The following SH3PXD2A variants were observed in gnomAD, a reference collection of about 807,000 sequenced individuals.
SH3PXD2A encodes SH3 and PX domain-containing protein 2A.
SH3PXD2A carries 32 observed loss-of-function variants against 115.2 expected under a neutral mutation model. That is an observed-to-expected ratio of 0.28 (90% CI 0.21 to 0.37). The LOEUF (loss-of-function observed/expected upper bound fraction) is 0.37, where lower values mean the gene tolerates loss of function less well. Among genes scored for constraint, SH3PXD2A ranks in the 10% least tolerant of loss-of-function variants. The pLI is 1.00. For missense variants in SH3PXD2A, 1,328 were observed against 1,498.7 expected, an observed-to-expected ratio of 0.89 and a Z score of 1.88; for synonymous variants, 610 against 629.1, an observed-to-expected ratio of 0.97 and a Z score of 0.45.
chr10:103,721,885 C>G (rs989812179), intron 5 of SH3PXD2A, among the ~76,000 whole-genome samples: 1 of 152,022 alleles, frequency 6.6e-6, no homozygotes, highest in African/African-American at 2.4e-5. Flanking sequence ...AGTCCCCAAA[C>G]CAGTGAAGCA....
Position 103,603,451 on chromosome 10 carries a change from G to A in SH3PXD2A, c.1767C>T (p.Pro589=). Residue 589 remains proline (P), a synonymous_variant, in exon 15 of 15, where the codon CCC becomes CCT. Coordinates refer to ENST00000369774, the MANE Select transcript of SH3PXD2A (RefSeq NM_001394015.1). ...RASGERRPAQ[P]HRPSPASSLQ... is the part of the protein sequence containing the mutation. ...GAGAAGAGGCCGGCGAGGGCCGGTGGGGCTGGGCAGGCCGCCTCTCCCCTG... is the reference window on the plus strand; with the variant it reads ...GAGAAGAGGCCGGCGAGGGCCGGTGAGGCTGGGCAGGCCGCCTCTCCCCTG... 7.4e-6 allele frequency: 12 copies of A among 1,612,870 alleles called. No homozygotes were observed. Among genetic ancestry groups the A allele is most frequent in the Non-Finnish European group, 1.0e-5 (12 of 1,179,430 alleles).
intron 5 of SH3PXD2A, among the ~76,000 whole-genome samples, chr10:103,703,044 G>A (rs1205186935): frequency 1.3e-5 from 2 of 152,208 alleles, no homozygotes; most frequent in African/African-American, 2.4e-5. Flanking sequence ...CCCAGCCCTG[G>A]CCTAGTTTCG....
At chr10:103,673,953 C>T (rs2037496545) in intron 6 of SH3PXD2A, among the ~76,000 whole-genome samples, 1 of 152,238 alleles carries the variant, frequency 6.6e-6, no homozygotes, top group African/African-American at 2.4e-5. Flanking sequence ...GAACACCTCC[C>T]TGTCTTCTCC....
chr10:103,772,308 G>A (rs978477010), intron 2 of SH3PXD2A, among the ~76,000 whole-genome samples: 1 of 152,212 alleles, frequency 6.6e-6, no homozygotes, highest in African/African-American at 2.4e-5. Flanking sequence ...AAACAATCGG[G>A]GCTGAGCGGG....
At chr10:103,690,534 G>A (rs941610425) in intron 6 of SH3PXD2A, among the ~76,000 whole-genome samples, 1 of 152,062 alleles carries the variant, frequency 6.6e-6, no homozygotes, top group Non-Finnish European at 1.5e-5. Context: ...GCTGAGGGAG[G>A]GTGTGTGTGT....
intron 12 of SH3PXD2A, among the ~76,000 whole-genome samples, 195 bp downstream of exon 12, chr10:103,612,658 T>C (rs2036446195): frequency 6.6e-6 from 1 of 152,048 alleles, no homozygotes; most frequent in East Asian, 1.9e-4. Flanking sequence ...AGCAGTTGAG[T>C]CATCATACTC....
At chr10:103,614,947 A>G (rs1592263501) in intron 11 of SH3PXD2A, among the ~76,000 whole-genome samples, 1 of 152,162 alleles carries the variant, frequency 6.6e-6, no homozygotes, top group Non-Finnish European at 1.5e-5. Flanking sequence ...TCGCCTCCCC[A>G]GGGATTGGGA....
intron 6 of SH3PXD2A, among the ~76,000 whole-genome samples, chr10:103,679,021 G>A (rs1291180604): frequency 2.6e-5 from 4 of 152,200 alleles, no homozygotes; most frequent in Non-Finnish European, 5.9e-5. Flanking sequence ...CATGGGGACA[G>A]TGGCTCCTAC....
chr10:103,805,779 T>A (rs549762685), intron 1 of SH3PXD2A, among the ~76,000 whole-genome samples: 5 of 152,336 alleles, frequency 3.3e-5, no homozygotes, highest in African/African-American at 1.2e-4. Context: ...ATCCCAGCAC[T>A]TTGGGAAGCC....
At chr10:103,821,610 TAGCATGATCTC>T (rs1299433036) in intron 1 of SH3PXD2A, among the ~76,000 whole-genome samples, 2 of 152,058 alleles carry the variant, frequency 1.3e-5, no homozygotes, top group African/African-American at 4.8e-5. Context: ...TGGAGTGCAA[TAGCATGATCTC>T]TGCTCACTGC....
At chr10:103,826,544 C>A (rs573714202) in intron 1 of SH3PXD2A, among the ~76,000 whole-genome samples, 4 of 152,326 alleles carry the variant, frequency 2.6e-5, no homozygotes, top group Admixed American at 2.6e-4. Flanking sequence ...AGCTTCAGAT[C>A]TACTGAGAAA....
chr10:103,600,633 C>T lies in SH3PXD2A; in HGVS notation c.*1183G>A, dbSNP rs915274661. 1 of 152,236 alleles carries T rather than the reference C, an allele frequency of 6.6e-6. No homozygotes were observed. The highest frequency in any genetic ancestry group is 2.4e-5 in the African/African-American group (1 of 41,464). The allele number at this position is 152,236 out of a possible 1,614,324, so 9.4% of individuals were successfully genotyped here. On this transcript the variant is annotated 3_prime_UTR_variant, in exon 15 of 15. Coordinates refer to ENST00000369774, the MANE Select transcript of SH3PXD2A (RefSeq NM_001394015.1). ...TCCAAAAGTCTGGCTCCTGAACACCCTCCTCCTTCCTGGGGAGGGTTTTTG... is the reference window on the plus strand; with the variant it reads ...TCCAAAAGTCTGGCTCCTGAACACCTTCCTCCTTCCTGGGGAGGGTTTTTG...
At chr10:103,683,068 G>A (rs961736471) in intron 6 of SH3PXD2A, among the ~76,000 whole-genome samples, 20 of 152,004 alleles carry the variant, frequency 1.3e-4, no homozygotes, top group African/African-American at 4.8e-4. Context: ...GACTTTTCAA[G>A]CTCATGCCAG....
Position 103,718,895 on chromosome 10 carries a change from G to A in SH3PXD2A, c.398+5375C>T, listed in dbSNP as rs555681553. 7.9e-5 allele frequency among the ~76,000 whole-genome samples: 12 copies of A among 152,102 alleles called. 1 individual carries two copies. In the South Asian group the frequency reaches 8.3e-4, roughly 11 times the overall value. On this transcript the variant is annotated intron_variant, in intron 5 of 14. Coordinates refer to ENST00000369774, the MANE Select transcript of SH3PXD2A (RefSeq NM_001394015.1). ...CTAAATTCATATGTTAAATCCTAAC[G>A]CCCAAGGTGATATAGTAGGAGCTGA...
At chr10:103,805,130 C>T (rs983658761) in intron 1 of SH3PXD2A, among the ~76,000 whole-genome samples, 2 of 152,228 alleles carry the variant, frequency 1.3e-5, no homozygotes, top group Non-Finnish European at 2.9e-5. Flanking sequence ...TGAGGCTTAA[C>T]ACACATCCTC....
intron 5 of SH3PXD2A, among the ~76,000 whole-genome samples, chr10:103,723,483 G>A (rs1362141087): frequency 6.6e-6 from 1 of 152,212 alleles, no homozygotes; most frequent in Non-Finnish European, 1.5e-5. Flanking sequence ...GGTCCTGGGT[G>A]TGAGAAACCA....
chr10:103,633,754 AAG>A (rs2036823246), intron 8 of SH3PXD2A, among the ~76,000 whole-genome samples: 1 of 149,152 alleles, frequency 6.7e-6, no homozygotes, highest in South Asian at 2.1e-4. Flanking sequence ...AAAAAAAAAA[AAG>A]ACTCAGCTCC....
At chr10:103,757,090 G>A (rs920621050) in intron 3 of SH3PXD2A, among the ~76,000 whole-genome samples, 16 of 152,300 alleles carry the variant, frequency 1.1e-4, no homozygotes, top group African/African-American at 3.9e-4. Context: ...GGGTATAACT[G>A]TACTCTCTCA....
At chr10:103,789,006 C>G (rs2039006446) in intron 2 of SH3PXD2A, among the ~76,000 whole-genome samples, 1 of 152,242 alleles carries the variant, frequency 6.6e-6, no homozygotes, top group Admixed American at 6.5e-5. Flanking sequence ...CAGCTCACAT[C>G]TCCCGGTCAC....
Sources: gnomAD v4.1 joint callset for allele counts (sites outside exome capture counted in the v4.1 genomes callset) on GRCh38, gnomAD v4.1.1 for gene constraint, MANE v1.5 for transcripts, NCBI Gene and HGNC (gene_info 2026-07-23, HGNC 2026-07-21) for gene names.